Variants in UGT1A10 observed in about 807,000 individuals in gnomAD.
UGT1A10 encodes the protein UDP-glucuronosyltransferase 1A10.
UGT1A10 carries 49 observed loss-of-function variants against 45.8 expected under a neutral mutation model. That is an observed-to-expected ratio of 1.07 (90% confidence interval 0.85 to 1.36). The LOEUF (loss-of-function observed/expected upper bound fraction) is 1.36, where lower values mean the gene tolerates loss of function less well. Ranked by LOEUF, UGT1A10 falls within the 40% of genes most tolerant of loss-of-function variation. UGT1A10 has a pLI of 0.00. For synonymous variants in UGT1A10, 284 were observed against 249.7 expected, an observed-to-expected ratio of 1.14 and a Z score of -1.29; for missense variants, 745 against 668.6, an observed-to-expected ratio of 1.11 and a Z score of -1.26.
At position 233,754,261 on chromosome 2, in the gene UGT1A10, G is replaced by T. The variant is rs28900390; in HGVS notation, c.856-12773G>T. 8.6e-3 allele frequency: 1,501 copies of T among 174,210 alleles called. 34 individuals carry two copies. The highest frequency in any genetic ancestry group is 0.033 in the African/African-American group (1,401 of 41,884). The allele number at this position is 174,210 out of a possible 1,614,324, so 10.8% of individuals were successfully genotyped here. A position where few individuals can be genotyped will look rare whatever the true frequency, so the allele number is the denominator to read the frequency against. The stretch of plus-strand genomic sequence containing the variant: ...ACACTTTCCCAACGGAAAAAGGTAA[G>T]GCTCAAAGTGCTGAGATGAACATTC... On this transcript the variant is annotated intron_variant, in intron 1 of 4. Coordinates refer to ENST00000344644, the MANE Select transcript of UGT1A10 (RefSeq NM_019075.4).
In UGT1A10 at chr2:233,636,556, T is replaced by C. The variant is rs1316424251; in HGVS notation, c.34T>C (p.Leu12=). 4 of 1,613,946 alleles carry C rather than the reference T, an allele frequency of 2.5e-6. No individual in the cohort carries two copies. In the African/African-American group the frequency reaches 4.0e-5, roughly 16 times the overall value. ...ARAGWTSPVP[L]CVCLLLTCGF... The stretch of plus-strand genomic sequence containing the variant: ...CGCAGGGTGGACCAGCCCCGTTCCT[T>C]TATGTGTGTGTCTACTGCTGACCTG... Residue 12 remains leucine (L), a synonymous_variant, in exon 1 of 5, where the codon TTA becomes CTA. Transcript: ENST00000344644.
chr2:233,644,570 GAATA>G lies in UGT1A10; in HGVS notation c.855+7216_855+7219del, dbSNP rs142251670. ...AGTGAGACTCCATCTCAAAAAATAA[GAATA>G]AATAAATAAATAAATAAATAAACGC... On this transcript the variant is annotated intron_variant, in intron 1 of 4. Coordinates refer to ENST00000344644, the MANE Select transcript of UGT1A10 (RefSeq NM_019075.4). Among the ~76,000 whole-genome samples the G allele has an allele frequency of 1.9e-3, 290 of 151,284 alleles. 1 individual carries two copies. Among genetic ancestry groups the G allele is most frequent in the African/African-American group, 6.2e-3 (254 of 41,162 alleles).
At chr2:233,710,596 A>G (rs1219828092) in intron 1 of UGT1A10, among the ~76,000 whole-genome samples, 2 of 152,016 alleles carry the variant, frequency 1.3e-5, no homozygotes, top group Non-Finnish European at 2.9e-5. Context: ...GCACACCTTT[A>G]TTGGTTTGTT....
At chr2:233,724,459 C>T (rs1289269804) in intron 1 of UGT1A10, among the ~76,000 whole-genome samples, 3 of 125,990 alleles carry the variant, frequency 2.4e-5, no homozygotes, top group Non-Finnish European at 3.3e-5. Flanking sequence ...AGCTGCCGGG[C>T]GGAGGGGCTC....
intron 1 of UGT1A10, chr2:233,693,824 A>G: frequency 6.2e-7 from 1 of 1,614,190 alleles, no homozygotes; most frequent in East Asian, 2.2e-5. Flanking sequence ...CATGGTCTTC[A>G]TTGGAGGTAT....
At chr2:233,721,043 C>A (rs556501874) in intron 1 of UGT1A10, among the ~76,000 whole-genome samples, 1 of 152,048 alleles carries the variant, frequency 6.6e-6, no homozygotes, top group African/African-American at 2.4e-5. Context: ...AGAATTGAGC[C>A]CTTTTTTGTC....
chr2:233,767,766 CT>C, intron 2 of UGT1A10, 82 bp from the exon 3 acceptor site: 1 of 1,609,200 alleles, frequency 6.2e-7, no homozygotes, highest in South Asian at 1.1e-5. Flanking sequence ...CAGAGGACCC[CT>C]GTTTTCTAGT....
At chr2:233,688,504 G>A (rs2074897339) in intron 1 of UGT1A10, among the ~76,000 whole-genome samples, 1 of 152,122 alleles carries the variant, frequency 6.6e-6, no homozygotes, top group Non-Finnish European at 1.5e-5. Context: ...AATGTCACAT[G>A]CAGTGAAATG....
intron 1 of UGT1A10, among the ~76,000 whole-genome samples, chr2:233,734,811 T>G: frequency 6.6e-6 from 1 of 152,238 alleles, no homozygotes; most frequent in East Asian, 1.9e-4. Context: ...AGTTTCCATG[T>G]AGTTGTGCGA....
chr2:233,718,710 T>G (rs1277838228), intron 1 of UGT1A10: 4 of 1,606,080 alleles, frequency 2.5e-6, no homozygotes, highest in Admixed American at 1.7e-5. Flanking sequence ...TGTCTTCCAA[T>G]TACATGCTGA....
At chr2:233,638,484 T>G (rs1055902095) in intron 1 of UGT1A10, among the ~76,000 whole-genome samples, 3 of 152,210 alleles carry the variant, frequency 2.0e-5, no homozygotes, top group Non-Finnish European at 4.4e-5. Context: ...CTGCTTCTTT[T>G]GCTTTGCTGG....
chr2:233,713,080 A>G (rs1178501043), intron 1 of UGT1A10: 1 of 1,614,182 alleles, frequency 6.2e-7, no homozygotes, highest in Non-Finnish European at 8.5e-7. Flanking sequence ...GAGAGTGGGA[A>G]GGTGCTGGTG....
chr2:233,699,613 A>G (rs902468508), intron 1 of UGT1A10, among the ~76,000 whole-genome samples: 5 of 152,232 alleles, frequency 3.3e-5, no homozygotes, highest in African/African-American at 1.2e-4. Flanking sequence ...ATAGAAAGGA[A>G]TAGAATGCAA....
intron 1 of UGT1A10, among the ~76,000 whole-genome samples, chr2:233,717,377 A>G (rs1267305224): frequency 6.6e-6 from 1 of 152,110 alleles, no homozygotes; most frequent in Admixed American, 6.5e-5. Flanking sequence ...GCCCTTACAG[A>G]CCTGCCCTCT....
chr2:233,743,852 G>C (rs770873874), intron 1 of UGT1A10: 2 of 1,367,108 alleles, frequency 1.5e-6, no homozygotes, highest in East Asian at 9.1e-5. Context: ...CTTGCGGTAC[G>C]CCTTCTTGAT....
intron 1 of UGT1A10, among the ~76,000 whole-genome samples, chr2:233,681,402 C>G (rs375338124): frequency 6.6e-6 from 1 of 151,734 alleles, no homozygotes; most frequent in Non-Finnish European, 1.5e-5. Flanking sequence ...GGCATGGCAG[C>G]GTGCGCCTGT....
At chr2:233,726,064 G>T (rs1467420011) in intron 1 of UGT1A10, among the ~76,000 whole-genome samples, 7 of 152,132 alleles carry the variant, frequency 4.6e-5, no homozygotes, top group Admixed American at 4.6e-4. Flanking sequence ...TACTCAGGAG[G>T]CTGAGGCAGG....
chr2:233,652,425 T>C (rs1355642673), intron 1 of UGT1A10, among the ~76,000 whole-genome samples: 1 of 152,212 alleles, frequency 6.6e-6, no homozygotes, highest in Non-Finnish European at 1.5e-5. Context: ...ATTTTGGCTA[T>C]AATTTTTTAA....
chr2:233,735,021 C>G (rs939464650), intron 1 of UGT1A10, among the ~76,000 whole-genome samples: 5 of 152,270 alleles, frequency 3.3e-5, no homozygotes, highest in Non-Finnish European at 5.9e-5. Context: ...CTGTAGATGT[C>G]TATTAGGTCT....
Sources: gnomAD v4.1 joint callset for allele counts (sites outside exome capture counted in the v4.1 genomes callset) on GRCh38, gnomAD v4.1.1 for gene constraint, MANE v1.5 for transcripts, NCBI Gene and HGNC (gene_info 2026-07-23, HGNC 2026-07-21) for gene names.